CTNNA2: variants seen among roughly 807,000 people sequenced by gnomAD.
The protein encoded by CTNNA2 is catenin alpha-2.
In CTNNA2, 42 loss-of-function variants were observed where a neutral mutation model predicts 101.0. The observed-to-expected ratio is 0.42, with a 90% confidence interval of 0.32 to 0.54. The LOEUF (loss-of-function observed/expected upper bound fraction) is 0.54, where lower values mean the gene tolerates loss of function less well. Among genes scored for constraint, CTNNA2 ranks in the 20% least tolerant of loss-of-function variants. The pLI is 0.14. For missense variants in CTNNA2, 871 were observed against 1,223.1 expected (o/e 0.71, Z 4.29); for synonymous variants, 450 against 456.4 (o/e 0.99, Z 0.18).
At chr2:79,268,818 C>T (rs900306343) in intron 2 of CTNNA2, among the ~76,000 whole-genome samples, 1 of 152,072 alleles carries the variant, frequency 6.6e-6, no homozygotes. Context: ...AGAGGAGAAA[C>T]TGTTTTTTCT....
chr2:80,449,434 C>G (rs1683319367), intron 9 of CTNNA2, among the ~76,000 whole-genome samples: 1 of 152,080 alleles, frequency 6.6e-6, no homozygotes, highest in African/African-American at 2.4e-5. Context: ...AAACCAAAAA[C>G]CACCTGTAAT....
At chr2:79,553,793 G>A (rs1674268926) in intron 1 of CTNNA2, among the ~76,000 whole-genome samples, 1 of 152,134 alleles carries the variant, frequency 6.6e-6, no homozygotes, top group African/African-American at 2.4e-5. Context: ...TTCAATATGA[G>A]GTTTGGGTGG....
intron 1 of CTNNA2, among the ~76,000 whole-genome samples, chr2:79,590,183 C>T (rs778745956): frequency 3.6e-4 from 55 of 152,116 alleles, no homozygotes; most frequent in Non-Finnish European, 6.6e-4. Flanking sequence ...TTTGAGGAGG[C>T]GGGTGAGCTT....
At chr2:80,081,014 A>C (rs1699106729) in intron 7 of CTNNA2, among the ~76,000 whole-genome samples, 1 of 150,692 alleles carries the variant, frequency 6.6e-6, no homozygotes, top group Non-Finnish European at 1.5e-5. Context: ...CATACTTTAT[A>C]CGTGTGGAAC....
chr2:79,523,262 T>A, intron 1 of CTNNA2: 1 of 449,478 alleles, frequency 2.2e-6, no homozygotes, highest in Non-Finnish European at 4.5e-6. Context: ...GGGCAGAAGA[T>A]TGATTTTGGG....
intron 7 of CTNNA2, among the ~76,000 whole-genome samples, chr2:80,282,594 C>T (rs1398992984): frequency 2.0e-5 from 3 of 152,114 alleles, no homozygotes; most frequent in African/African-American, 7.2e-5. Context: ...CTCCCTCTCT[C>T]CTATTATTTT....
intron 1 of CTNNA2, among the ~76,000 whole-genome samples, chr2:79,606,752 A>G (rs1288933246): frequency 3.9e-5 from 6 of 152,230 alleles, no homozygotes; most frequent in Admixed American, 6.5e-5. Context: ...GGTTAAAAAC[A>G]TACTATAAAT....
intron 1 of CTNNA2, among the ~76,000 whole-genome samples, chr2:79,623,823 G>A (rs1679138837): frequency 6.6e-6 from 1 of 152,020 alleles, no homozygotes; most frequent in Non-Finnish European, 1.5e-5. Context: ...AAAATGGCTT[G>A]GATATTAATT....
At position 79,412,159 on chromosome 2, in the gene CTNNA2, G is replaced by T. The variant is rs375893319; in HGVS notation, c.-135+38146G>T. Reference sequence around the variant, plus strand: ...AAAAGAGACAAAGAAGGCCATTACAGAATGGTAAAGGGATGAATTCAACAA... The same window carrying T: ...AAAAGAGACAAAGAAGGCCATTACATAATGGTAAAGGGATGAATTCAACAA... On this transcript the variant is annotated intron_variant, in intron 4 of 21. Transcript: ENST00000466387. 5.3e-5 allele frequency among the ~76,000 whole-genome samples: 8 copies of T among 151,976 alleles called. No homozygotes were observed. The South Asian group carries it at 1.0e-3, about 20-fold the overall frequency.
At chr2:80,440,572 G>A (rs897078227) in intron 9 of CTNNA2, among the ~76,000 whole-genome samples, 7 of 152,146 alleles carry the variant, frequency 4.6e-5, no homozygotes, top group African/African-American at 1.7e-4. Context: ...CCCTAAGAAT[G>A]TTCCTTACAG....
chr2:79,920,638 T>C (rs1007504855), intron 7 of CTNNA2, among the ~76,000 whole-genome samples: 9 of 152,248 alleles, frequency 5.9e-5, no homozygotes, highest in African/African-American at 1.9e-4. Context: ...TCTGCTCTAC[T>C]ACCTGATAAA....
intron 3 of CTNNA2, among the ~76,000 whole-genome samples, chr2:79,756,900 C>T (rs2105062200): frequency 6.6e-6 from 1 of 152,280 alleles, no homozygotes; most frequent in Middle Eastern, 3.4e-3. Flanking sequence ...TCACTAAAAT[C>T]TCCAAAACTG....
chr2:80,297,037 T>C (rs990454619), intron 7 of CTNNA2, among the ~76,000 whole-genome samples: 4 of 152,182 alleles, frequency 2.6e-5, no homozygotes, highest in African/African-American at 7.2e-5. Flanking sequence ...TCGGACTGAA[T>C]GTACTGGCCA....
At chr2:79,206,272 A>G (rs1441118004) in intron 2 of CTNNA2, among the ~76,000 whole-genome samples, 2 of 151,004 alleles carry the variant, frequency 1.3e-5, no homozygotes, top group African/African-American at 2.4e-5. Context: ...TTTCTTTATA[A>G]TAATGTTTGA....
At chr2:79,300,120 C>A (rs1170845544) in intron 2 of CTNNA2, among the ~76,000 whole-genome samples, 1 of 152,106 alleles carries the variant, frequency 6.6e-6, no homozygotes, top group Non-Finnish European at 1.5e-5. Flanking sequence ...CAGATTCATA[C>A]AGTAATCATA....
chr2:79,887,583 A>G (rs985877586), intron 6 of CTNNA2, among the ~76,000 whole-genome samples: 1 of 152,194 alleles, frequency 6.6e-6, no homozygotes, highest in Non-Finnish European at 1.5e-5. Context: ...CTTAAACAAA[A>G]TTCTACAAAG....
At chr2:79,565,250 GAA>G (rs34257991) in intron 1 of CTNNA2, among the ~76,000 whole-genome samples, 6 of 148,472 alleles carry the variant, frequency 4.0e-5, no homozygotes, top group South Asian at 4.3e-4. Context: ...GGGTGAAAAG[GAA>G]AAAAAAAAAG....
chr2:80,023,114 G>T (rs1395622436), intron 7 of CTNNA2, among the ~76,000 whole-genome samples: 2 of 152,194 alleles, frequency 1.3e-5, no homozygotes, highest in African/African-American at 4.8e-5. Flanking sequence ...ACTTTCACTG[G>T]ATTCTCAAAA....
intron 1 of CTNNA2, among the ~76,000 whole-genome samples, chr2:79,546,200 G>A (rs1429549273): frequency 6.6e-6 from 1 of 152,114 alleles, no homozygotes; most frequent in Non-Finnish European, 1.5e-5. Flanking sequence ...CCAATACTGA[G>A]TGAGGCACAT....
Sources: allele counts gnomAD v4.1 joint callset (sites outside exome capture counted in the v4.1 genomes callset), GRCh38; gene constraint gnomAD v4.1.1; transcripts MANE v1.5; gene names NCBI Gene and HGNC (gene_info 2026-07-23, HGNC 2026-07-21).